PLXNC1: variants seen among roughly 807,000 people sequenced by gnomAD.
The protein encoded by PLXNC1 is plexin-C1.
Under a neutral mutation model 178.2 loss-of-function variants are expected in PLXNC1, and 75 were observed. That is an observed-to-expected ratio of 0.42 (90% CI 0.35 to 0.51). The LOEUF is 0.51. PLXNC1 is among the 20% of genes least tolerant of loss of function. The probability of loss-of-function intolerance (pLI) is 0.02; values close to 1 mark genes in which losing one functional copy is unlikely to be tolerated. For missense variants in PLXNC1, 1,503 were observed against 1,984.4 expected (o/e 0.76, Z 4.61); for synonymous variants, 790 against 779.9 (o/e 1.01, Z -0.22).
At chr12:94,274,155 TAAAAA>T (rs3060881) in intron 21 of PLXNC1, among the ~76,000 whole-genome samples, 60 of 45,366 alleles carry the variant, frequency 1.3e-3, no homozygotes, top group African/African-American at 4.4e-3. Context: ...ACCCTGTCTC[TAAAAA>T]AAAAAAAAAA....
intron 23 of PLXNC1, among the ~76,000 whole-genome samples, chr12:94,286,105 C>G (rs754884734): frequency 7.9e-5 from 12 of 152,294 alleles, no homozygotes; most frequent in Non-Finnish European, 1.6e-4. Flanking sequence ...TGCTAGACAC[C>G]TATCTGCTTA....
chr12:94,204,814 A>G (rs1247300152), intron 4 of PLXNC1, among the ~76,000 whole-genome samples: 3 of 152,194 alleles, frequency 2.0e-5, no homozygotes, highest in Admixed American at 2.0e-4. Flanking sequence ...CTCCCCCAGC[A>G]TGGATGCAGT....
At chr12:94,302,441 C>G (rs1049712697) in intron 28 of PLXNC1, among the ~76,000 whole-genome samples, 1 of 152,218 alleles carries the variant, frequency 6.6e-6, no homozygotes, top group Non-Finnish European at 1.5e-5. Flanking sequence ...GATCAGTCTA[C>G]ATATGCCTAC....
chr12:94,163,823 G>A (rs1457830609), intron 1 of PLXNC1, among the ~76,000 whole-genome samples: 5 of 152,042 alleles, frequency 3.3e-5, no homozygotes, highest in Non-Finnish European at 7.4e-5. Context: ...GTCAGATCCC[G>A]GTCAACACTG....
intron 21 of PLXNC1, among the ~76,000 whole-genome samples, chr12:94,270,126 C>T (rs912353552): frequency 6.6e-6 from 1 of 152,186 alleles, no homozygotes; most frequent in Non-Finnish European, 1.5e-5. Context: ...AATTTTATCA[C>T]AAGTCATGGC....
At chr12:94,259,198 G>T in intron 17 of PLXNC1, 139 bp from the exon 18 acceptor site, 1 of 623,718 alleles carries the variant, frequency 1.6e-6, no homozygotes, top group Non-Finnish European at 2.8e-6. Flanking sequence ...AGAATACGCA[G>T]CCACCATAAA....
chr12:94,203,483 T>C (rs918381390), intron 4 of PLXNC1, among the ~76,000 whole-genome samples: 2 of 152,208 alleles, frequency 1.3e-5, no homozygotes, highest in African/African-American at 2.4e-5. Flanking sequence ...TGCTGAGAAA[T>C]TGAGTAAAAC....
intron 21 of PLXNC1, among the ~76,000 whole-genome samples, chr12:94,274,155 T>TTA (rs1190908348): frequency 2.2e-5 from 1 of 45,376 alleles, no homozygotes; most frequent in Non-Finnish European, 3.4e-5. Context: ...ACCCTGTCTC[T>TTA]AAAAAAAAAA....
At chr12:94,204,776 G>C (rs1279563747) in intron 4 of PLXNC1, among the ~76,000 whole-genome samples, 1 of 152,224 alleles carries the variant, frequency 6.6e-6, no homozygotes, top group Non-Finnish European at 1.5e-5. Context: ...CTTAGCAAAA[G>C]ACCTTGGGTT....
chr12:94,169,012 A>G, intron 1 of PLXNC1, 141 bp from the exon 2 acceptor site: 2 of 725,410 alleles, frequency 2.8e-6, no homozygotes, highest in Non-Finnish European at 4.5e-6. Flanking sequence ...GCTCCCGGGG[A>G]ATCTAGTCTA....
chr12:94,174,957 G>T (rs4761465), intron 2 of PLXNC1, among the ~76,000 whole-genome samples: 16,063 of 152,234 alleles, frequency 0.11, 986 homozygotes, highest in Middle Eastern at 0.15. Flanking sequence ...GGTTCAGACT[G>T]TATGCTTCTC....
intron 23 of PLXNC1, among the ~76,000 whole-genome samples, chr12:94,284,361 T>G (rs1592925292): frequency 6.6e-6 from 1 of 152,154 alleles, no homozygotes; most frequent in Non-Finnish European, 1.5e-5. Context: ...TAGTTCAGTC[T>G]ACATCCAGAA....
At chr12:94,300,809 CA>C (rs1392629801) in intron 27 of PLXNC1, 100 bp from the exon 28 acceptor site, 6 of 1,100,648 alleles carry the variant, frequency 5.5e-6, no homozygotes, top group Non-Finnish European at 7.8e-6. Flanking sequence ...TTGTATACTT[CA>C]ATAACAAGGA....
chr12:94,174,186 AT>A (rs1008557316), intron 2 of PLXNC1, among the ~76,000 whole-genome samples: 2 of 150,488 alleles, frequency 1.3e-5, no homozygotes, highest in South Asian at 2.1e-4. Context: ...TCTTTTGTTT[AT>A]TTTTTTTTCT....
chr12:94,282,230 T>C (rs1286872021), intron 22 of PLXNC1, 68 bp from the exon 23 acceptor site: 9 of 1,046,972 alleles, frequency 8.6e-6, no homozygotes, highest in Admixed American at 1.9e-5. Flanking sequence ...TAGTTATCCA[T>C]AAATTTGTGA....
At chr12:94,301,554 C>T (rs2136230154) in intron 28 of PLXNC1, among the ~76,000 whole-genome samples, 1 of 152,224 alleles carries the variant, frequency 6.6e-6, no homozygotes, top group African/African-American at 2.4e-5. Context: ...GATCAATAGT[C>T]CCAAGAACTC....
chr12:94,176,686 C>G (rs1156374284), intron 2 of PLXNC1, among the ~76,000 whole-genome samples: 1 of 152,130 alleles, frequency 6.6e-6, no homozygotes, highest in East Asian at 1.9e-4. Flanking sequence ...GTCTTGACTT[C>G]CAAGGCAACC....
At position 94,240,529 on chromosome 12, in the gene PLXNC1, C is replaced by G. The variant is rs752296069; in HGVS notation, c.2165C>G (p.Ser722Cys). 6.2e-7 allele frequency: 1 copy of G among 1,614,058 alleles called. No individual in the cohort carries two copies. Among genetic ancestry groups the G allele is most frequent in the African/African-American group, 1.3e-5 (1 of 75,040 alleles). Reference sequence around the variant, plus strand: ...CTAAATGACACCCACATGAAATTCTCTCTTCCATCAAGCCGGAAAGAAATG... The same window carrying G: ...CTAAATGACACCCACATGAAATTCTGTCTTCCATCAAGCCGGAAAGAAATG... ...HVLNDTHMKF[S>C]LPSSRKEMKD... is the part of the protein sequence containing the mutation. Residue 722 changes from serine to cysteine, a missense_variant, in exon 11 of 31, where the codon TCT becomes TGT. Coordinates refer to ENST00000258526, the MANE Select transcript of PLXNC1 (RefSeq NM_005761.3).
chr12:94,294,596 C>T, intron 24 of PLXNC1, 56 bp downstream of exon 24: 1 of 761,858 alleles, frequency 1.3e-6, no homozygotes, highest in Non-Finnish European at 2.3e-6. Context: ...TAAAGTATTG[C>T]TTTTTGCCTC....
Sources: allele counts gnomAD v4.1 joint callset (sites outside exome capture counted in the v4.1 genomes callset), GRCh38; gene constraint gnomAD v4.1.1; transcripts MANE v1.5; gene names NCBI Gene and HGNC (gene_info 2026-07-23, HGNC 2026-07-21).